PIK3CA: variants seen among roughly 807,000 people sequenced by gnomAD.
PIK3CA encodes phosphatidylinositol 4,5-bisphosphate 3-kinase catalytic subunit alpha isoform.
PIK3CA carries 27 observed loss-of-function variants against 138.2 expected under a neutral mutation model. The observed-to-expected ratio is 0.20, with a 90% CI of 0.14 to 0.27. The LOEUF is 0.27. Among genes scored for constraint, PIK3CA ranks in the 10% least tolerant of loss-of-function variants. The pLI, the probability that PIK3CA is intolerant of heterozygous loss-of-function variation, is 1.00. For missense variants in PIK3CA, 544 were observed against 1,277.4 expected (o/e 0.43, Z 8.75); for synonymous variants, 358 against 413.2 (o/e 0.87, Z 1.62).
chr3:179,195,419 T>C (rs1724242069), intron 1 of PIK3CA, among the ~76,000 whole-genome samples: 1 of 152,212 alleles, frequency 6.6e-6, no homozygotes. Context: ...ATCTCTGTGC[T>C]TACATATTTT....
intron 15 of PIK3CA, 93 bp downstream of exon 15, chr3:179,224,280 T>C: frequency 1.6e-6 from 1 of 634,556 alleles, no homozygotes; most frequent in Non-Finnish European, 2.7e-6. Context: ...ATAATTAGAA[T>C]GTTCAATAAT....
rs768265254 is a variant in PIK3CA at position 179,198,966 on chromosome 3, T to G, written c.141T>G (p.His47Gln). ...AGGCTACATTAATAACCATAAAGCA[T>G]GAACTATTTAAAGAAGCAAGAAAAT... Reference protein sequence around the residue: ...LREATLITIKHELFKEARKYP... With the variant: ...LREATLITIKQELFKEARKYP... Residue 47 changes from histidine (H) to glutamine (Q), a missense_variant, in exon 2 of 21, where the codon CAT becomes CAG. This residue lies in a region of PIK3CA where 47 missense variants were observed against 84.0 expected (regional missense o/e 0.56). Transcript: ENST00000263967. The G allele has an allele frequency of 3.7e-6, 6 of 1,613,338 alleles. No individual in the cohort carries two copies. The Admixed American group carries it at 1.0e-4, about 27-fold the overall frequency.
At chr3:179,178,008 G>A (rs543731987) in intron 1 of PIK3CA, among the ~76,000 whole-genome samples, 2 of 151,408 alleles carry the variant, frequency 1.3e-5, no homozygotes, top group South Asian at 2.1e-4. Context: ...GGGAGGCCAA[G>A]GTGGGAGGAT....
At chr3:179,154,215 C>G (rs1168183723) in intron 1 of PIK3CA, among the ~76,000 whole-genome samples, 1 of 152,088 alleles carries the variant, frequency 6.6e-6, no homozygotes, top group African/African-American at 2.4e-5. Context: ...TAAAACGGGT[C>G]CTCCTGGCCA....
At chr3:179,201,684 C>T (rs1724414792) in intron 4 of PIK3CA, 144 bp downstream of exon 4, 9 of 564,412 alleles carry the variant, frequency 1.6e-5, no homozygotes, top group Non-Finnish European at 2.7e-5. Flanking sequence ...CGGCTCACTG[C>T]AGGCTCTGCC....
intron 1 of PIK3CA, among the ~76,000 whole-genome samples, chr3:179,181,034 T>C (rs1723830999): frequency 1.3e-5 from 2 of 152,068 alleles, no homozygotes; most frequent in Non-Finnish European, 2.9e-5. Flanking sequence ...TGTGTGTATT[T>C]GTGTGTTTTG....
rs1434216472 is a variant in PIK3CA, at chr3:179,230,248, C to T, written c.2808C>T (p.His936=). The T allele has an allele frequency of 6.2e-7, 1 of 1,607,968 alleles. No individual in the cohort carries two copies. Among genetic ancestry groups the T allele is most frequent in the Non-Finnish European group, 8.5e-7 (1 of 1,176,974 alleles). The change falls in exon 20 of 21, where the codon CAC becomes CAT. Residue 936 remains histidine (H), a synonymous_variant. Transcript: ENST00000263967. The surrounding 1 kb of genome is among the most constrained non-coding windows in gnomAD (Gnocchi z 5.4). Reference sequence around the variant, plus strand: ...AGCTGTTTCATATAGATTTTGGACACTTTTTGGATCACAAGAAGAAAAAAT... The same window carrying T: ...AGCTGTTTCATATAGATTTTGGACATTTTTTGGATCACAAGAAGAAAAAAT... ...DGQLFHIDFG[H]FLDHKKKKFG... is the part of the protein sequence containing the mutation.
chr3:179,159,242 A>G (rs1300481129), intron 1 of PIK3CA, among the ~76,000 whole-genome samples: 1 of 152,202 alleles, frequency 6.6e-6, no homozygotes, highest in Admixed American at 6.5e-5. Flanking sequence ...GGTGATATGT[A>G]CAATGAAAAA....
chr3:179,221,756 G>A (rs1724974210), intron 14 of PIK3CA, among the ~76,000 whole-genome samples: 2 of 125,838 alleles, frequency 1.6e-5, no homozygotes, highest in South Asian at 2.4e-4. Flanking sequence ...TGCCTGGCCT[G>A]GAATGCAGTG....
intron 17 of PIK3CA, among the ~76,000 whole-genome samples, chr3:179,226,278 T>C (rs1368183661): frequency 2.6e-5 from 4 of 152,066 alleles, no homozygotes; most frequent in Admixed American, 6.6e-5. Context: ...GCCTCTGGAG[T>C]GTCACCATTA....
chr3:179,186,184 G>A (rs1193226424), intron 1 of PIK3CA, among the ~76,000 whole-genome samples: 1 of 152,188 alleles, frequency 6.6e-6, no homozygotes, highest in Admixed American at 6.5e-5. Context: ...TGTGTGCCAG[G>A]AGAGAGGACA....
In PIK3CA at chr3:179,235,089, T is replaced by C. The variant is rs185444340; in HGVS notation, c.*725T>C. 3.1e-5 allele frequency: 6 copies of C among 191,878 alleles called. No individual in the cohort carries two copies. In the Admixed American group the frequency reaches 3.7e-4, roughly 12 times the overall value. The allele number at this position is 191,878 out of a possible 1,614,324, so 11.9% of individuals were successfully genotyped here. On this transcript the variant is annotated 3_prime_UTR_variant, in exon 21 of 21. Coordinates refer to ENST00000263967, the MANE Select transcript of PIK3CA (RefSeq NM_006218.4). ...GACAGTATTTAAAGGATCTTATTCT[T>C]ATTTCCCAGGGAAATTCTGGGCTCC...
In PIK3CA at chr3:179,209,504, G is replaced by A; in HGVS notation, c.1146-91G>A. 16 of 678,114 alleles carry A rather than the reference G, an allele frequency of 2.4e-5. No individual in the cohort carries two copies. In the South Asian group the frequency reaches 4.1e-4, roughly 17 times the overall value. The allele number at this position is 678,114 out of a possible 1,614,324, so 42.0% of individuals were successfully genotyped here. On this transcript the variant is annotated intron_variant, in intron 6 of 20. Transcript: ENST00000263967. ...TCTCTTTCCTGTTTTTCGTTTGGTT[G>A]ATCTTTGTCTTCGTGATTTGTAGGA... is the stretch of plus-strand genomic sequence containing the variant.
intron 1 of PIK3CA, among the ~76,000 whole-genome samples, chr3:179,197,069 C>T (rs1038174017): frequency 7.2e-5 from 11 of 151,806 alleles, no homozygotes; most frequent in Middle Eastern, 3.2e-3. Flanking sequence ...GATGGAGTCT[C>T]GCTCTGTCGC....
chr3:179,191,388 A>G (rs1724131782), intron 1 of PIK3CA, among the ~76,000 whole-genome samples: 1 of 152,166 alleles, frequency 6.6e-6, no homozygotes, highest in Non-Finnish European at 1.5e-5. Context: ...TATGGGTAAA[A>G]CTTGTTTTAC....
Position 179,198,916 on chromosome 3 carries a change from A to G in PIK3CA, c.91A>G (p.Ile31Val). The change falls in exon 2 of 21, where the codon ATA becomes GTA. Residue 31 changes from isoleucine to valine, a missense_variant. By Grantham distance (29) the Ile-to-Val change is conservative (BLOSUM62 3). This residue lies in a region of PIK3CA where 47 missense variants were observed against 84.0 expected (regional missense o/e 0.56). Transcript: ENST00000263967. ...AGAATGTTTACTACCAAATGGAATG[A>G]TAGTGACTTTAGAATGCCTCCGTGA... ...LVECLLPNGM[I>V]VTLECLREAT... 6.2e-7 allele frequency: 1 copy of G among 1,610,870 alleles called. No individual in the cohort carries two copies. The highest frequency in any genetic ancestry group is 1.1e-5 in the South Asian group (1 of 90,522).
chr3:179,189,458 T>C (rs969648487), intron 1 of PIK3CA, among the ~76,000 whole-genome samples: 3 of 152,228 alleles, frequency 2.0e-5, no homozygotes, highest in Non-Finnish European at 4.4e-5. Context: ...ACTTCATTAA[T>C]GGTTCTTTAC....
chr3:179,221,696 CTTTTTTTTTT>C (rs200211358), intron 14 of PIK3CA, among the ~76,000 whole-genome samples: 1 of 77,568 alleles, frequency 1.3e-5, no homozygotes, highest in Non-Finnish European at 2.4e-5. Flanking sequence ...ACAATGTAAA[CTTTTTTTTTT>C]TTTTTTTTTT....
intron 4 of PIK3CA, 117 bp from the exon 5 acceptor site, chr3:179,203,427 A>ATAATGTT: frequency 1.1e-6 from 1 of 903,644 alleles, no homozygotes; most frequent in Non-Finnish European, 1.6e-6. Context: ...AATGTGGTCT[A>ATAATGTT]TAATGTTTAA....
Sources: allele counts gnomAD v4.1 joint callset (sites outside exome capture counted in the v4.1 genomes callset), GRCh38; gene constraint gnomAD v4.1.1; regional missense constraint gnomAD v4.1.1; non-coding constraint Gnocchi (gnomAD v3.1); transcripts MANE v1.5; gene names NCBI Gene and HGNC (gene_info 2026-07-23, HGNC 2026-07-21).